Variants in METAP1D observed in about 807,000 individuals in gnomAD.
The protein encoded by METAP1D is methionyl aminopeptidase type 1D, mitochondrial.
METAP1D carries 31 observed loss-of-function variants against 40.5 expected under a neutral mutation model. That is an observed-to-expected ratio of 0.77 (90% CI 0.58 to 1.03). The LOEUF (loss-of-function observed/expected upper bound fraction) is 1.03. Among genes scored for constraint, METAP1D ranks in the 50% least tolerant of loss-of-function variants. The probability of loss-of-function intolerance (pLI) is 0.00; values close to 1 mark genes in which losing one functional copy is unlikely to be tolerated. For missense variants in METAP1D, 411 were observed against 420.7 expected, an observed-to-expected ratio of 0.98 and a Z score of 0.20; for synonymous variants, 151 against 146.4, an observed-to-expected ratio of 1.03 and a Z score of -0.22.
At chr2:172,024,377 C>T (rs1689075538) in intron 1 of METAP1D, among the ~76,000 whole-genome samples, 1 of 151,964 alleles carries the variant, frequency 6.6e-6, no homozygotes, top group Non-Finnish European at 1.5e-5. Context: ...AAAATGTACC[C>T]ACCTCATACT....
rs1690257711 is a variant in METAP1D, at chr2:172,065,648, A to G, written c.393A>G (p.Glu131=). ...AGATAGATGCTCTTGTTCATCGGGA[A>G]ATCATCAGTCATAATGCCTATCCCT... ...TEEIDALVHR[E]IISHNAYPSP... is the part of the protein sequence containing the mutation. Residue 131 remains glutamate, a synonymous_variant, in exon 4 of 10, where the codon GAA becomes GAG. Coordinates refer to ENST00000315796, the MANE Select transcript of METAP1D (RefSeq NM_199227.3). 1 of 1,613,880 alleles carries G rather than the reference A, an allele frequency of 6.2e-7. No homozygotes were observed. The highest frequency in any genetic ancestry group is 1.3e-5 in the African/African-American group (1 of 74,916).
At chr2:172,003,860 G>T (rs1688522535) in intron 1 of METAP1D, among the ~76,000 whole-genome samples, 1 of 151,816 alleles carries the variant, frequency 6.6e-6, no homozygotes, top group South Asian at 2.1e-4. Context: ...TGCCTCCCGG[G>T]TTGAAGTGAT....
At chr2:172,037,553 C>T (rs575464444) in intron 1 of METAP1D, among the ~76,000 whole-genome samples, 6 of 152,284 alleles carry the variant, frequency 3.9e-5, no homozygotes, top group South Asian at 2.1e-4. Context: ...GACATGTAAA[C>T]TCATTTAATC....
At chr2:172,065,885 C>A in intron 4 of METAP1D, 133 bp downstream of exon 4, 1 of 999,236 alleles carries the variant, frequency 1.0e-6, no homozygotes, top group Non-Finnish European at 1.4e-6. Context: ...TATGATAAAA[C>A]AGAAATTTTG....
chr2:172,048,426 A>G (rs1053806319), intron 1 of METAP1D, among the ~76,000 whole-genome samples: 1 of 152,208 alleles, frequency 6.6e-6, no homozygotes, highest in African/African-American at 2.4e-5. Context: ...CCTGTGAGGA[A>G]GGTATTATTA....
In METAP1D at chr2:172,000,570, GA is replaced by G. The variant is rs546591048; in HGVS notation, c.40+564del. Among the ~76,000 whole-genome samples the G allele has an allele frequency of 2.2e-4, 33 of 152,348 alleles. No individual in the cohort carries two copies. The East Asian group carries it at 6.2e-3, about 28-fold the overall frequency. ...CAAATGCCTTTGCAGCAGAATTGGG[GA>G]AATCTTTGTTGGATTTGAACTAGGT... is the stretch of plus-strand genomic sequence containing the variant. On this transcript the variant is annotated intron_variant, in intron 1 of 9. Transcript: ENST00000315796.
At chr2:172,029,271 G>C (rs1172756483) in intron 1 of METAP1D, among the ~76,000 whole-genome samples, 1 of 152,138 alleles carries the variant, frequency 6.6e-6, no homozygotes, top group Non-Finnish European at 1.5e-5. Context: ...GCCAGGCCTA[G>C]TGGCATGTGC....
chr2:172,008,175 G>A (rs1254731123), intron 1 of METAP1D, among the ~76,000 whole-genome samples: 1 of 152,084 alleles, frequency 6.6e-6, no homozygotes, highest in East Asian at 1.9e-4. Context: ...TTAGATCCAA[G>A]GCCTGATTTA....
chr2:172,066,421 C>A (rs1348692146), intron 5 of METAP1D, 115 bp downstream of exon 5: 3 of 798,344 alleles, frequency 3.8e-6, no homozygotes, highest in African/African-American at 3.5e-5. Context: ...TACTTCTAGA[C>A]CCAGACGCAA....
intron 1 of METAP1D, among the ~76,000 whole-genome samples, chr2:172,060,699 C>T (rs1401783507): frequency 6.6e-6 from 1 of 152,048 alleles, no homozygotes; most frequent in Non-Finnish European, 1.5e-5. Flanking sequence ...TGTAAGTATA[C>T]CATAATATAT....
At chr2:172,036,983 C>T (rs7586556) in intron 1 of METAP1D, among the ~76,000 whole-genome samples, 1 of 151,950 alleles carries the variant, frequency 6.6e-6, no homozygotes, top group African/African-American at 2.4e-5. Context: ...TTTATGGCTG[C>T]GGGCGGTGGC....
At position 172,042,816 on chromosome 2, in the gene METAP1D, T is replaced by TGTGTGTGTATATGTACACATATAC. The variant is rs1689621998; in HGVS notation, c.41-18673_41-18650dup. Among the ~76,000 whole-genome samples, 2 of 62,936 alleles carry TGTGTGTGTATATGTACACATATAC rather than the reference T, an allele frequency of 3.2e-5. 1 individual carries two copies. Among genetic ancestry groups the TGTGTGTGTATATGTACACATATAC allele is most frequent in the African/African-American group, 1.0e-4 (2 of 20,014 alleles). 41.3% of individuals were successfully genotyped at this position (62,936 alleles called of 152,430 possible). On this transcript the variant is annotated intron_variant, in intron 1 of 9. Transcript: ENST00000315796. ...GTGTGTGTATATGTACACATATACG[T>TGTGTGTGTATATGTACACATATAC]GTGTGTGTATATGTACACATATACG...
intron 1 of METAP1D, among the ~76,000 whole-genome samples, chr2:172,019,374 C>G (rs1688955307): frequency 6.6e-6 from 1 of 151,938 alleles, no homozygotes; most frequent in South Asian, 2.1e-4. Flanking sequence ...ATAATATACT[C>G]AAGAAAAATT....
chr2:172,045,797 ATGTGTGTG>A (rs763858243), intron 1 of METAP1D, among the ~76,000 whole-genome samples: 3,137 of 30,926 alleles, frequency 0.1, 376 homozygotes, highest in Middle Eastern at 0.17. Context: ...ATATGTATAT[ATGTGTGTG>A]TGTGTGTGTG....
At chr2:172,047,216 C>G (rs1339285873) in intron 1 of METAP1D, among the ~76,000 whole-genome samples, 1 of 152,118 alleles carries the variant, frequency 6.6e-6, no homozygotes, top group Non-Finnish European at 1.5e-5. Flanking sequence ...CTTCCTGTAT[C>G]ACTGTTTAAT....
intron 1 of METAP1D, among the ~76,000 whole-genome samples, chr2:172,038,599 A>G (rs1163083378): frequency 6.6e-6 from 1 of 152,210 alleles, no homozygotes; most frequent in African/African-American, 2.4e-5. Flanking sequence ...TTTGTTACAT[A>G]TGGGTTTTTA....
intron 1 of METAP1D, among the ~76,000 whole-genome samples, chr2:172,027,034 G>A (rs1426378842): frequency 6.6e-6 from 1 of 152,162 alleles, no homozygotes; most frequent in African/African-American, 2.4e-5. Flanking sequence ...AAGAGGGCCT[G>A]GAAGAATGAG....
At chr2:172,068,830 A>ATTCCTTCC (rs557758754) in intron 5 of METAP1D, among the ~76,000 whole-genome samples, 2 of 150,932 alleles carry the variant, frequency 1.3e-5, no homozygotes, top group East Asian at 2.0e-4. Flanking sequence ...TCATTTTGAT[A>ATTCCTTCC]TTCCTTCCTT....
intron 1 of METAP1D, among the ~76,000 whole-genome samples, chr2:172,017,654 G>T (rs1688907908): frequency 6.6e-6 from 1 of 151,862 alleles, no homozygotes; most frequent in African/African-American, 2.4e-5. Context: ...GATTAACAGT[G>T]TTGTCTTGCC....
Sources: gnomAD v4.1 joint callset for allele counts (sites outside exome capture counted in the v4.1 genomes callset) on GRCh38, gnomAD v4.1.1 for gene constraint, MANE v1.5 for transcripts, NCBI Gene and HGNC (gene_info 2026-07-23, HGNC 2026-07-21) for gene names.